Variants in DIPK1C observed in about 807,000 individuals in gnomAD.
The protein encoded by DIPK1C is divergent protein kinase domain 1C.
A neutral mutation model predicts 28.0 loss-of-function variants in DIPK1C; 33 were observed. The observed-to-expected ratio is 1.18, with a 90% CI of 0.89 to 1.58. The LOEUF is 1.58. Ranked by LOEUF, DIPK1C falls within the 40% of genes most tolerant of loss-of-function variation. The pLI, the probability that DIPK1C is intolerant of heterozygous loss-of-function variation, is 0.00. For synonymous variants in DIPK1C, 255 were observed against 248.8 expected, an observed-to-expected ratio of 1.02 and a Z score of -0.23; for missense variants, 569 against 568.5, an observed-to-expected ratio of 1.00 and a Z score of -0.01.
chr18:74,459,126 A>G (rs192336937), upstream of DIPK1C, among the ~76,000 whole-genome samples: 1 of 152,356 alleles, frequency 6.6e-6, no homozygotes, highest in Non-Finnish European at 1.5e-5. Context: ...AGAAATCTCA[A>G]CCTGATGTGA....
Position 74,436,003 on chromosome 18 carries a change from A to G in DIPK1C, c.*498T>C. On this transcript the variant is annotated 3_prime_UTR_variant, in exon 4 of 4. Transcript: ENST00000343998. ...TACTCATACTCCTCATGAGCACACC[A>G]CACTCACCTGTGCACACTCACCTGT... 5.7e-6 allele frequency: 1 copy of G among 176,814 alleles called. No individual in the cohort carries two copies. Among genetic ancestry groups the G allele is most frequent in the Middle Eastern group, 2.6e-3 (1 of 382 alleles). 11.0% of individuals were successfully genotyped at this position (176,814 alleles called of 1,614,324 possible). A position where few individuals can be genotyped will look rare whatever the true frequency, so the allele number is the denominator to read the frequency against.
At position 74,446,957 on chromosome 18, in the gene DIPK1C, C is replaced by T. The variant is rs777206927; in HGVS notation, c.525G>A (p.Arg175=). 6.6e-7 allele frequency: 1 copy of T among 1,506,666 alleles called. No homozygotes were observed. Among genetic ancestry groups the T allele is most frequent in the Non-Finnish European group, 8.9e-7 (1 of 1,122,366 alleles). 93.3% of individuals were successfully genotyped at this position (1,506,666 alleles called of 1,614,324 possible). A position where few individuals can be genotyped will look rare whatever the true frequency, so the allele number is the denominator to read the frequency against. The change falls in exon 2 of 4, where the codon AGG becomes AGA. Residue 175 remains arginine (R), a synonymous_variant. Transcript: ENST00000343998. ...GCTGTCCCCGCCAGCGTGGGCCCCG[C>T]CTGCCCGGCCACCACGGCCCCAGGC... ...NSSLGPWWPG[R]RGPRWRGQLA...
At chr18:74,439,600 G>A (rs1986073097) in intron 3 of DIPK1C, among the ~76,000 whole-genome samples, 1 of 152,172 alleles carries the variant, frequency 6.6e-6, no homozygotes, top group Non-Finnish European at 1.5e-5. Context: ...AGGATCACTT[G>A]AGACCAGAAG....
Position 74,436,573 on chromosome 18 carries a change from G to A in DIPK1C, c.1188C>T (p.Ala396=). Residue 396 remains alanine (A), a synonymous_variant, in exon 4 of 4, where the codon GCC becomes GCT. Transcript: ENST00000343998. The part of the protein sequence containing the change: ...GVPSGNTRRA[A]SSVFWKLRQL... Reference sequence around the variant, plus strand: ...GGCGAAGCTTCCAGAACACGCTGGAGGCTGCTCTCCGGGTGTTCCCACTGG... The same window carrying A: ...GGCGAAGCTTCCAGAACACGCTGGAAGCTGCTCTCCGGGTGTTCCCACTGG... The A allele has an allele frequency of 2.5e-6, 4 of 1,611,624 alleles. No homozygotes were observed. The South Asian group carries it at 4.4e-5, about 18-fold the overall frequency.
In DIPK1C at chr18:74,436,719, C is replaced by T; in HGVS notation, c.1042G>A (p.Val348Ile). Residue 348 changes from valine (V) to isoleucine (I), a missense_variant and splice_region_variant, in exon 4 of 4, where the codon GTC (valine) becomes ATC (isoleucine). By Grantham distance (29) the Val-to-Ile change is conservative. Transcript: ENST00000343998. ...TGGCGAAATATTTTGTCACAGATGA[C>T]CTGAGGGAAAGAAGGGTGGACAGTT... is the stretch of plus-strand genomic sequence containing the variant. ...GAQRVNNNLQ[V>I]ICDKIFRHWF... 6.2e-7 allele frequency: 1 copy of T among 1,609,562 alleles called. No individual in the cohort carries two copies. The highest frequency in any genetic ancestry group is 8.5e-7 in the Non-Finnish European group (1 of 1,177,756).
At chr18:74,437,395 A>C (rs1193166227) in intron 3 of DIPK1C, among the ~76,000 whole-genome samples, 1 of 152,184 alleles carries the variant, frequency 6.6e-6, no homozygotes, top group East Asian at 1.9e-4. Context: ...TCGGGTATGA[A>C]ATTCAGTGAT....
chr18:74,464,245 T>C, the DIPK1C span, among the ~76,000 whole-genome samples: 2 of 152,164 alleles, frequency 1.3e-5, no homozygotes, highest in Non-Finnish European at 2.9e-5. Context: ...AACCCAGTAC[T>C]CCTGGGAGCC....
At position 74,434,884 on chromosome 18, in the gene DIPK1C, G is replaced by A. The variant is rs1199708321; in HGVS notation, c.*1617C>T. ...AAGCGAGTCTTCATGTCCATGATGA[G>A]GAGGCCCTCTATGGAACTCTGTGTC... On this transcript the variant is annotated 3_prime_UTR_variant, in exon 4 of 4. Transcript: ENST00000343998. The A allele has an allele frequency of 6.6e-6, 1 of 152,226 alleles. No homozygotes were observed. Among genetic ancestry groups the A allele is most frequent in the African/African-American group, 2.4e-5 (1 of 41,434 alleles). The allele number at this position is 152,226 out of a possible 1,614,324, so 9.4% of individuals were successfully genotyped here.
chr18:74,449,763 T>G (rs2288263), intron 1 of DIPK1C, among the ~76,000 whole-genome samples: 87,658 of 151,708 alleles, frequency 0.58, 26,431 homozygotes, highest in Non-Finnish European at 0.67. Context: ...CCACATCCTT[T>G]AGGAAGTTGT....
upstream of DIPK1C, chr18:74,457,393 G>T: frequency 1.6e-6 from 1 of 639,274 alleles, no homozygotes; most frequent in Non-Finnish European, 1.9e-6. Flanking sequence ...GTTGGGGCAG[G>T]CCCCGCGCCT....
At chr18:74,453,166 A>G (rs1209367743) in intron 1 of DIPK1C, among the ~76,000 whole-genome samples, 1 of 152,114 alleles carries the variant, frequency 6.6e-6, no homozygotes, top group African/African-American at 2.4e-5. Context: ...AATTTATGTC[A>G]TGGTTCTCAG....
At chr18:74,457,358 G>A (rs980493178), upstream of DIPK1C, 5 of 898,284 alleles carry the variant, frequency 5.6e-6, no homozygotes, top group African/African-American at 9.0e-5. Context: ...GCGGGGAGGG[G>A]GAACGGGGGA....
In DIPK1C at chr18:74,447,380, C is replaced by G; in HGVS notation, c.199-97G>C. 2 of 1,217,142 alleles carry G rather than the reference C, an allele frequency of 1.6e-6. No individual in the cohort carries two copies. The highest frequency in any genetic ancestry group is 2.2e-6 in the Non-Finnish European group (2 of 899,744). 75.4% of individuals were successfully genotyped at this position (1,217,142 alleles called of 1,614,324 possible). A position where few individuals can be genotyped will look rare whatever the true frequency, so the allele number is the denominator to read the frequency against. On this transcript the variant is annotated intron_variant, in intron 1 of 3. Transcript: ENST00000343998. This position sits in a 1 kb window ranked among gnomAD's most constrained non-coding sequence, Gnocchi z 4.1. Reference sequence around the variant, plus strand: ...AAGGGGACAGCCTAGCCTCTGCCCTCAGGACGCTGATAATCCAGCTGTGCA... The same window carrying G: ...AAGGGGACAGCCTAGCCTCTGCCCTGAGGACGCTGATAATCCAGCTGTGCA...
chr18:74,445,747 G>T (rs1986245199), intron 2 of DIPK1C, among the ~76,000 whole-genome samples: 1 of 152,194 alleles, frequency 6.6e-6, no homozygotes, highest in African/African-American at 2.4e-5. Flanking sequence ...GTTACAGCAG[G>T]TGGGGGAGCA....
chr18:74,450,634 C>T (rs1199127389), intron 1 of DIPK1C, among the ~76,000 whole-genome samples: 16 of 152,198 alleles, frequency 1.1e-4, no homozygotes, highest in Non-Finnish European at 4.4e-5. Context: ...TAGCCACTAG[C>T]CATGAGAGAC....
At position 74,457,057 on chromosome 18, in the gene DIPK1C, C is replaced by G; in HGVS notation, c.198+5G>C. On this transcript the variant is annotated splice_donor_5th_base_variant and intron_variant, in intron 1 of 3. Coordinates refer to ENST00000343998, the MANE Select transcript of DIPK1C (RefSeq NM_001044369.3). ...GGCGCGGGGCAGAGCGGCGGCGGGA[C>G]CTACCAGCGCGGCCAGGATGCGCCG... 1.4e-6 allele frequency: 2 copies of G among 1,448,950 alleles called. No individual in the cohort carries two copies. The highest frequency in any genetic ancestry group is 3.0e-5 in the East Asian group (1 of 33,112). 89.8% of individuals were successfully genotyped at this position (1,448,950 alleles called of 1,614,324 possible). A position where few individuals can be genotyped will look rare whatever the true frequency, so the allele number is the denominator to read the frequency against.
intron 1 of DIPK1C, 25 bp downstream of exon 1, chr18:74,457,037 G>T: frequency 7.1e-7 from 1 of 1,412,694 alleles, no homozygotes; most frequent in Non-Finnish European, 9.1e-7. Flanking sequence ...CGCGCGGCGC[G>T]GGGCAGAGCG....
upstream of DIPK1C, among the ~76,000 whole-genome samples, chr18:74,462,224 C>T (rs1986628270): frequency 6.6e-6 from 1 of 152,210 alleles, no homozygotes; most frequent in African/African-American, 2.4e-5. Flanking sequence ...CCAGGAAGCT[C>T]CCTCCTGCTC....
upstream of DIPK1C, among the ~76,000 whole-genome samples, chr18:74,457,546 C>T (rs1234818358): frequency 6.6e-6 from 1 of 152,170 alleles, no homozygotes; most frequent in African/African-American, 2.4e-5. Flanking sequence ...AGACCAGCTC[C>T]CCACTTAAAC....
Sources: allele counts gnomAD v4.1 joint callset (sites outside exome capture counted in the v4.1 genomes callset), GRCh38; gene constraint gnomAD v4.1.1; non-coding constraint Gnocchi (gnomAD v3.1); transcripts MANE v1.5; gene names NCBI Gene and HGNC (gene_info 2026-07-23, HGNC 2026-07-21).